The following APBA2 variants were observed in gnomAD, a reference collection of about 807,000 sequenced individuals.
APBA2 encodes the protein amyloid beta precursor protein binding family A member 2, also known as amyloid-beta A4 precursor protein-binding family A member 2.
In APBA2, 30 loss-of-function variants were observed where a neutral mutation model predicts 75.0. That is an observed-to-expected ratio of 0.40 (90% CI 0.30 to 0.54). The LOEUF is 0.54. APBA2 is among the 20% of genes least tolerant of loss of function. APBA2 has a pLI of 0.49. For synonymous variants in APBA2, 444 were observed against 409.6 expected, an observed-to-expected ratio of 1.08 and a Z score of -1.01; for missense variants, 801 against 1,016.1, an observed-to-expected ratio of 0.79 and a Z score of 2.88.
At chr15:28,892,008 A>C (rs1485541084) in intron 1 of APBA2, among the ~76,000 whole-genome samples, 1 of 152,212 alleles carries the variant, frequency 6.6e-6, no homozygotes, top group Non-Finnish European at 1.5e-5. Flanking sequence ...TCACCCAGAG[A>C]AATTTCCAGT....
intron 2 of APBA2, among the ~76,000 whole-genome samples, chr15:28,945,366 C>T (rs1345105838): frequency 1.3e-5 from 2 of 152,136 alleles, no homozygotes; most frequent in Admixed American, 1.3e-4. Context: ...AGGAAATAAC[C>T]ACTCTGGGTG....
intron 3 of APBA2, among the ~76,000 whole-genome samples, chr15:29,008,397 G>A (rs967481349): frequency 6.6e-5 from 10 of 152,110 alleles, no homozygotes; most frequent in Admixed American, 5.9e-4. Flanking sequence ...TTTATGTTAC[G>A]TGTATTTTAC....
intron 6 of APBA2, among the ~76,000 whole-genome samples, chr15:29,088,356 C>T (rs751530371): frequency 4.6e-5 from 7 of 152,086 alleles, no homozygotes; most frequent in Admixed American, 2.0e-4. Context: ...TTTTTCTAAC[C>T]GGGACTCCCG....
intron 3 of APBA2, among the ~76,000 whole-genome samples, chr15:29,044,795 A>G (rs1414541276): frequency 2.0e-5 from 3 of 152,190 alleles, no homozygotes; most frequent in African/African-American, 7.2e-5. Flanking sequence ...GGGAATAGTT[A>G]GTGTCTTAGT....
At position 28,918,189 on chromosome 15, in the gene APBA2, G is replaced by A. The variant is rs1447227835; in HGVS notation, c.-204-3451G>A. 3.3e-5 allele frequency among the ~76,000 whole-genome samples: 5 copies of A among 152,234 alleles called. No homozygotes were observed. The highest frequency in any genetic ancestry group is 1.2e-4 in the African/African-American group (5 of 41,468). Reference sequence around the variant, plus strand: ...TGCAGCGTTGCCTGCGGTCTCCGTGGGTGAGGGAAAAGGCACAGGGAGGTG... The same window carrying A: ...TGCAGCGTTGCCTGCGGTCTCCGTGAGTGAGGGAAAAGGCACAGGGAGGTG... On this transcript the variant is annotated intron_variant, in intron 1 of 14. Coordinates refer to ENST00000683413, the MANE Select transcript of APBA2 (RefSeq NM_001353788.2). This position sits in a 1 kb window ranked among gnomAD's most constrained non-coding sequence, Gnocchi z 4.2.
intron 2 of APBA2, among the ~76,000 whole-genome samples, chr15:28,925,344 T>C (rs1314479798): frequency 6.6e-6 from 1 of 152,208 alleles, no homozygotes; most frequent in Non-Finnish European, 1.5e-5. Context: ...CATTTTCTTA[T>C]AATTTCTTTG....
At chr15:28,911,890 C>G (rs1226169990) in intron 1 of APBA2, among the ~76,000 whole-genome samples, 1 of 152,222 alleles carries the variant, frequency 6.6e-6, no homozygotes, top group Non-Finnish European at 1.5e-5. Context: ...TGCATATTTG[C>G]AGTGAGCTGC....
intron 1 of APBA2, among the ~76,000 whole-genome samples, chr15:28,908,374 A>C (rs1470238987): frequency 6.7e-6 from 1 of 149,008 alleles, no homozygotes; most frequent in Non-Finnish European, 1.5e-5. Context: ...ACAGTGGCGC[A>C]ATCTCGGCTC....
chr15:28,970,328 A>G (rs1028219207), intron 2 of APBA2: 1 of 150,480 alleles, frequency 6.6e-6, no homozygotes, highest in Admixed American at 6.6e-5. Flanking sequence ...GTGATGTATG[A>G]TGTAATGTAT....
intron 1 of APBA2, among the ~76,000 whole-genome samples, chr15:28,899,336 C>T (rs186237910): frequency 2.6e-5 from 4 of 152,364 alleles, no homozygotes; most frequent in Admixed American, 6.5e-5. Flanking sequence ...CTACTTTGCC[C>T]CTTCCGGGTT....
intron 2 of APBA2, among the ~76,000 whole-genome samples, chr15:28,929,437 C>A (rs2034447258): frequency 6.6e-6 from 1 of 152,188 alleles, no homozygotes; most frequent in South Asian, 2.1e-4. Flanking sequence ...TCCCAGATGT[C>A]CTCAACAAAT....
intron 2 of APBA2, among the ~76,000 whole-genome samples, chr15:28,943,736 C>T (rs1002713280): frequency 1.4e-5 from 2 of 145,012 alleles, no homozygotes; most frequent in Admixed American, 6.7e-5. Context: ...GGCCCCGGCT[C>T]CTCCAGCCCT....
At chr15:28,940,316 T>A (rs1203956989) in intron 2 of APBA2, among the ~76,000 whole-genome samples, 5 of 124,412 alleles carry the variant, frequency 4.0e-5, no homozygotes, top group Non-Finnish European at 6.3e-5. Flanking sequence ...ATCGAGACCA[T>A]CCTGGCTAAC....
At chr15:29,022,559 C>T (rs1297164601) in intron 3 of APBA2, among the ~76,000 whole-genome samples, 2 of 152,018 alleles carry the variant, frequency 1.3e-5, no homozygotes, top group Admixed American at 1.3e-4. Flanking sequence ...ATAACCCATT[C>T]CCCCCACCAG....
chr15:29,091,261 A>AT (rs1208556073), intron 6 of APBA2, among the ~76,000 whole-genome samples: 1 of 152,062 alleles, frequency 6.6e-6, no homozygotes, highest in Non-Finnish European at 1.5e-5. Flanking sequence ...ACTCAGTTAG[A>AT]TGCACAGGGG....
intron 6 of APBA2, among the ~76,000 whole-genome samples, chr15:29,084,236 A>G (rs1291731718): frequency 2.0e-5 from 3 of 152,124 alleles, no homozygotes; most frequent in African/African-American, 7.2e-5. Flanking sequence ...AACAAGAATG[A>G]TTTTTGCTGC....
rs552564407 is a variant in APBA2, at chr15:28,953,161, A to G, written c.-95+31412A>G. On this transcript the variant is annotated intron_variant, in intron 2 of 14. Coordinates refer to ENST00000683413, the MANE Select transcript of APBA2 (RefSeq NM_001353788.2). The stretch of plus-strand genomic sequence containing the variant: ...ACCCATATGGCTGGTTGAGACTCCC[A>G]CCCCCTCATCACTCCCTACCAGCGT... 5.9e-5 allele frequency among the ~76,000 whole-genome samples: 9 copies of G among 151,302 alleles called. No homozygotes were observed. In the South Asian group the frequency reaches 1.9e-3, roughly 32 times the overall value.
chr15:29,086,947 C>T (rs1033470054), intron 6 of APBA2, among the ~76,000 whole-genome samples: 1 of 152,362 alleles, frequency 6.6e-6, no homozygotes, highest in Admixed American at 6.5e-5. Context: ...TTCCCTTCCA[C>T]TATAGGTAAC....
At chr15:28,917,212 G>T (rs1158669407) in intron 1 of APBA2, among the ~76,000 whole-genome samples, 2 of 152,064 alleles carry the variant, frequency 1.3e-5, no homozygotes, top group Non-Finnish European at 2.9e-5. Context: ...GCAGTACTGG[G>T]GAAAGACGGT....
Sources: allele counts gnomAD v4.1 joint callset (sites outside exome capture counted in the v4.1 genomes callset), GRCh38; gene constraint gnomAD v4.1.1; non-coding constraint Gnocchi (gnomAD v3.1); transcripts MANE v1.5; gene names NCBI Gene and HGNC (gene_info 2026-07-23, HGNC 2026-07-21).